TDRD9: variants seen among roughly 807,000 people sequenced by gnomAD.
TDRD9 encodes ATP-dependent RNA helicase TDRD9.
A neutral mutation model predicts 172.6 loss-of-function variants in TDRD9; 124 were observed. The ratio of observed to expected loss-of-function variants is 0.72; its 90% CI spans 0.62 to 0.83. The LOEUF is 0.83. Ranked by LOEUF, TDRD9 falls within the 40% of genes least tolerant of loss-of-function variation. TDRD9 has a pLI of 0.00. For missense variants in TDRD9, 1,479 were observed against 1,714.1 expected (o/e 0.86, Z 2.42); for synonymous variants, 619 against 617.1 (o/e 1.00, Z -0.05).
intron 1 of TDRD9, among the ~76,000 whole-genome samples, chr14:103,929,357 A>T (rs2030211610): frequency 6.6e-6 from 1 of 151,534 alleles, no homozygotes; most frequent in South Asian, 2.1e-4. Context: ...AGCCTTTTTG[A>T]TGGGTTTCTG....
At chr14:103,928,891 C>A in intron 1 of TDRD9, 167 bp downstream of exon 1, 1 of 273,856 alleles carries the variant, frequency 3.7e-6, no homozygotes, top group Non-Finnish European at 6.9e-6. Flanking sequence ...ACGCGCGGCC[C>A]AGAGCGGTGC....
At chr14:104,002,486 G>A (rs143898210) in intron 13 of TDRD9, among the ~76,000 whole-genome samples, 1,893 of 152,256 alleles carry the variant, frequency 0.012, 14 homozygotes, top group Non-Finnish European at 0.019. Context: ...AAAGTGACGT[G>A]TAGAAAATGG....
chr14:103,960,225 G>A, intron 2 of TDRD9, among the ~76,000 whole-genome samples: 1 of 152,026 alleles, frequency 6.6e-6, no homozygotes, highest in East Asian at 1.9e-4. Context: ...TTGAAGATAA[G>A]TCTTAAGTTC....
chr14:104,052,009 C>T lies in TDRD9; in HGVS notation c.4076C>T (p.Ala1359Val). The change falls in exon 36 of 36, where the codon GCC becomes GTC. Residue 1359 changes from alanine to valine, a missense_variant. This residue lies in a region of TDRD9 where 1,413 missense variants were observed against 1,649.1 expected (regional missense o/e 0.86). Coordinates refer to ENST00000409874, the MANE Select transcript of TDRD9 (RefSeq NM_153046.3). Reference sequence around the variant, plus strand: ...GATCCAAAGCTGGTCATGGAGCAGGCCGACCGTGAGAGCAGCAGAGGGAAG... The same window carrying T: ...GATCCAAAGCTGGTCATGGAGCAGGTCGACCGTGAGAGCAGCAGAGGGAAG... ...QVDPKLVMEQ[A>V]DRESSRGKNT... The T allele has an allele frequency of 6.3e-7, 1 of 1,596,114 alleles. No homozygotes were observed. The highest frequency in any genetic ancestry group is 2.3e-5 in the East Asian group (1 of 44,118).
intron 35 of TDRD9, chr14:104,050,002 C>G (rs1236744635): frequency 4.0e-6 from 1 of 249,958 alleles, no homozygotes; most frequent in African/African-American, 2.2e-5. Flanking sequence ...CTTGGCTGTT[C>G]CTTCCATGTG....
At position 103,952,695 on chromosome 14, in the gene TDRD9, A is replaced by T. The variant is rs2031993019; in HGVS notation, c.216-2969A>T. On this transcript the variant is annotated intron_variant, in intron 1 of 35. Coordinates refer to ENST00000409874, the MANE Select transcript of TDRD9 (RefSeq NM_153046.3). ...TAAAAGTCACATTTCTATGCGTTTC[A>T]TTCTTATCTTAGTGATTTATAGGAA... 5.3e-5 allele frequency among the ~76,000 whole-genome samples: 7 copies of T among 130,888 alleles called. 1 individual carries two copies. The South Asian group carries it at 1.7e-3, about 32-fold the overall frequency. The allele number at this position is 130,888 out of a possible 152,430, so 85.9% of individuals were successfully genotyped here.
At chr14:104,028,391 G>T (rs892236905) in intron 28 of TDRD9, among the ~76,000 whole-genome samples, 3 of 152,138 alleles carry the variant, frequency 2.0e-5, no homozygotes, top group African/African-American at 7.2e-5. Context: ...TCTAACTGGG[G>T]TGAGATGCTA....
intron 1 of TDRD9, among the ~76,000 whole-genome samples, chr14:103,950,344 C>A (rs1210607130): frequency 6.6e-6 from 1 of 152,262 alleles, no homozygotes; most frequent in East Asian, 1.9e-4. Flanking sequence ...ACTGCCTCAG[C>A]CTCCCAAAGT....
At chr14:103,957,044 C>T (rs759719967) in intron 2 of TDRD9, among the ~76,000 whole-genome samples, 3 of 152,176 alleles carry the variant, frequency 2.0e-5, no homozygotes, top group Non-Finnish European at 4.4e-5. Context: ...GTATGAAATA[C>T]AGTCAATACA....
chr14:103,942,350 A>G (rs963070676), intron 1 of TDRD9: 1 of 152,216 alleles, frequency 6.6e-6, no homozygotes, highest in African/African-American at 2.4e-5. Flanking sequence ...AAAATAACTG[A>G]CTATTTAATC....
intron 20 of TDRD9, 123 bp downstream of exon 20, chr14:104,008,589 G>T (rs1595980642): frequency 1.5e-6 from 1 of 651,650 alleles, no homozygotes; most frequent in Non-Finnish European, 2.7e-6. Flanking sequence ...TGTATTTCCT[G>T]CCTGTTTCCA....
At chr14:104,037,325 G>A (rs941946) in intron 32 of TDRD9, among the ~76,000 whole-genome samples, 36,555 of 152,042 alleles carry the variant, frequency 0.24, 4,990 homozygotes, top group South Asian at 0.44. Context: ...TCTCTAATGC[G>A]CACCCGCATG....
intron 7 of TDRD9, among the ~76,000 whole-genome samples, chr14:103,977,782 T>C (rs781612094): frequency 2.6e-5 from 4 of 152,148 alleles, no homozygotes; most frequent in Non-Finnish European, 5.9e-5. Context: ...TGTTTTCTGC[T>C]AATAGCTTCA....
intron 28 of TDRD9, among the ~76,000 whole-genome samples, chr14:104,027,994 C>A (rs914950835): frequency 1.3e-5 from 2 of 152,190 alleles, no homozygotes; most frequent in African/African-American, 4.8e-5. Flanking sequence ...ATACCATCCT[C>A]CAGGCTCATC....
chr14:104,006,353 A>G, intron 15 of TDRD9, 36 bp from the exon 16 acceptor site: 7 of 1,581,866 alleles, frequency 4.4e-6, no homozygotes, highest in Non-Finnish European at 6.1e-6. Context: ...TGAGTAAGTC[A>G]GTGCTTGATA....
intron 30 of TDRD9, among the ~76,000 whole-genome samples, chr14:104,033,535 T>G (rs969230817): frequency 6.6e-6 from 1 of 152,172 alleles, no homozygotes; most frequent in Non-Finnish European, 1.5e-5. Flanking sequence ...GTGCCCTTGC[T>G]GGGGCTGCAG....
At chr14:104,022,988 T>G (rs1158184739) in intron 24 of TDRD9, among the ~76,000 whole-genome samples, 2 of 151,712 alleles carry the variant, frequency 1.3e-5, no homozygotes, top group African/African-American at 2.4e-5. Flanking sequence ...AAAACGAGCC[T>G]GGCCGACATG....
intron 1 of TDRD9, among the ~76,000 whole-genome samples, chr14:103,952,190 GTATATATATATATATATATA>G (rs1566734586): frequency 7.2e-5 from 4 of 55,532 alleles, no homozygotes; most frequent in Admixed American, 3.5e-4. Flanking sequence ...GCGTGTGTGT[GTATATATATATATATATATA>G]TATATATATA....
chr14:103,985,203 A>G (rs1047206406), intron 7 of TDRD9, among the ~76,000 whole-genome samples: 19 of 152,144 alleles, frequency 1.2e-4, no homozygotes, highest in African/African-American at 4.1e-4. Flanking sequence ...ATGTGAGGAC[A>G]TGAGATTTGG....
Sources: gnomAD v4.1 joint callset for allele counts (sites outside exome capture counted in the v4.1 genomes callset) on GRCh38, gnomAD v4.1.1 for gene constraint, gnomAD v4.1.1 regional missense constraint, MANE v1.5 for transcripts, NCBI Gene and HGNC (gene_info 2026-07-23, HGNC 2026-07-21) for gene names.